The following DBF4B variants were observed in gnomAD, a reference collection of about 807,000 sequenced individuals.
DBF4B encodes protein DBF4 homolog B.
A neutral mutation model predicts 53.4 loss-of-function variants in DBF4B; 49 were observed. The ratio of observed to expected loss-of-function variants is 0.92; its 90% CI spans 0.73 to 1.16. The LOEUF is 1.16. Among genes scored for constraint, DBF4B ranks in the 50% most tolerant of loss-of-function variants. DBF4B has a pLI of 0.00. For synonymous variants in DBF4B, 257 were observed against 288.7 expected (o/e 0.89, Z 1.11); for missense variants, 692 against 775.0 (o/e 0.89, Z 1.27).
rs1421709660 is a variant in DBF4B, at chr17:44,750,883, C to T, written c.1478C>T (p.Pro493Leu). The change falls in exon 14 of 14, where the codon CCA becomes CTA. Residue 493 changes from proline (P) to leucine (L), a missense_variant. Physicochemically the swap from Pro to Leu is moderately conservative, Grantham distance 98 (BLOSUM62 -3). Transcript: ENST00000315005. ...FAPADIPVKGPLLFPEARPWL... is the reference protein window; with the variant it reads ...FAPADIPVKGLLLFPEARPWL... Reference sequence around the variant, plus strand: ...CCGGCGGACATTCCTGTTAAGGGCCCACTCCTCTTCCCTGAAGCCAGACCG... The same window carrying T: ...CCGGCGGACATTCCTGTTAAGGGCCTACTCCTCTTCCCTGAAGCCAGACCG... 6.2e-7 allele frequency: 1 copy of T among 1,614,206 alleles called. No homozygotes were observed. Among genetic ancestry groups the T allele is most frequent in the Non-Finnish European group, 8.5e-7 (1 of 1,180,032 alleles).
chr17:44,723,051 C>T (rs180805385), intron 3 of DBF4B, 29 bp downstream of exon 3: 6 of 1,612,150 alleles, frequency 3.7e-6, no homozygotes, highest in Non-Finnish European at 5.1e-6. Context: ...TCCTGCGATG[C>T]CATGTGCCTT....
In DBF4B at chr17:44,721,775, CA is replaced by C. The variant is rs374856392; in HGVS notation, c.83-1101del. Among the ~76,000 whole-genome samples the C allele has an allele frequency of 5.6e-3, 843 of 151,076 alleles. 8 individuals are homozygous for C. Among genetic ancestry groups the C allele is most frequent in the African/African-American group, 0.02 (814 of 41,150 alleles). Reference sequence around the variant, plus strand: ...GGTAACGTGCTGCTCGAAGGAAGATCAAAAGCTTATGCCCTATCTCGTGTGT... The same window carrying C: ...GGTAACGTGCTGCTCGAAGGAAGATCAAAGCTTATGCCCTATCTCGTGTGT... On this transcript the variant is annotated intron_variant, in intron 2 of 13. Coordinates refer to ENST00000315005, the MANE Select transcript of DBF4B (RefSeq NM_145663.3).
In DBF4B at chr17:44,709,246, G is replaced by T. The variant is rs1025313936; in HGVS notation, c.20-58G>T. 6 of 1,606,014 alleles carry T rather than the reference G, an allele frequency of 3.7e-6. No homozygotes were observed. In the East Asian group the frequency reaches 8.9e-5, roughly 24 times the overall value. On this transcript the variant is annotated intron_variant, in intron 1 of 13. Transcript: ENST00000315005. The stretch of plus-strand genomic sequence containing the variant: ...TTTGGGAGACAGTAGTGGGCGGGAG[G>T]CATGGAAGTTCCAAGGGTTGGTGAA...
At chr17:44,731,963 G>A in intron 5 of DBF4B, 1 of 556,798 alleles carries the variant, frequency 1.8e-6, no homozygotes, top group Non-Finnish European at 3.2e-6. Flanking sequence ...GCAGACCAGT[G>A]GTCCTTCCTC....
chr17:44,708,797 A>T lies in DBF4B; in HGVS notation c.-24A>T, dbSNP rs373708415. ...GGAGGCCTCTGAGGAAGGAGTACGGAGGCCGAGAAGGAGCCGGCATTTGAT... is the reference window on the plus strand; with the variant it reads ...GGAGGCCTCTGAGGAAGGAGTACGGTGGCCGAGAAGGAGCCGGCATTTGAT... On this transcript the variant is annotated 5_prime_UTR_variant, in exon 1 of 14. Coordinates refer to ENST00000315005, the MANE Select transcript of DBF4B (RefSeq NM_145663.3). 2 of 1,550,884 alleles carry T rather than the reference A, an allele frequency of 1.3e-6. No individual in the cohort carries two copies. Among genetic ancestry groups the T allele is most frequent in the African/African-American group, 1.4e-5 (1 of 72,980 alleles).
intron 2 of DBF4B, among the ~76,000 whole-genome samples, chr17:44,715,812 CTTTTTTTTTTTT>C (rs869200833): frequency 7.2e-5 from 4 of 55,508 alleles, no homozygotes; most frequent in Non-Finnish European, 1.3e-4. Context: ...TTCTTTCTTT[CTTTTTTTTTTTT>C]TTTTTTTTTT....
intron 2 of DBF4B, among the ~76,000 whole-genome samples, chr17:44,715,038 G>A (rs774505960): frequency 2.0e-5 from 3 of 152,050 alleles, no homozygotes; most frequent in Admixed American, 6.6e-5. Flanking sequence ...CATTTATGGA[G>A]CAGGTACCTT....
chr17:44,727,404 G>A (rs1974455581), intron 3 of DBF4B, among the ~76,000 whole-genome samples: 1 of 151,996 alleles, frequency 6.6e-6, no homozygotes, highest in African/African-American at 2.4e-5. Flanking sequence ...GGGCAACAGA[G>A]CAAGACTCTG....
chr17:44,726,292 T>TTTTATTTATTTATTTATTTA (rs377668647), intron 3 of DBF4B, among the ~76,000 whole-genome samples: 74 of 132,090 alleles, frequency 5.6e-4, no homozygotes, highest in Non-Finnish European at 7.7e-4. Flanking sequence ...CCCGGCCCTT[T>TTTTATTTATTTATTTATTTA]TTTATTTATT....
At chr17:44,718,117 A>G (rs1598769524) in intron 2 of DBF4B, among the ~76,000 whole-genome samples, 2 of 151,604 alleles carry the variant, frequency 1.3e-5, no homozygotes, top group Non-Finnish European at 2.9e-5. Context: ...TTATCCCCCA[A>G]TGTTCTTGTC....
At chr17:44,748,879 C>T (rs1304366523) in intron 13 of DBF4B, 1 of 1,290,572 alleles carries the variant, frequency 7.7e-7, no homozygotes, top group Non-Finnish European at 1.0e-6. Context: ...CTCCCTCCAG[C>T]CCTTGTGCCA....
In DBF4B at chr17:44,751,916, C is replaced by G; in HGVS notation, c.*663C>G. On this transcript the variant is annotated 3_prime_UTR_variant, in exon 14 of 14. Transcript: ENST00000315005. ...TCCCCCTGCCCTTCCTCACCATTGC[C>G]CATTCCCTCGTTCGTTCATTCAGCA... The G allele has an allele frequency of 6.5e-7, 1 of 1,536,250 alleles. No homozygotes were observed. Among genetic ancestry groups the G allele is most frequent in the Non-Finnish European group, 8.7e-7 (1 of 1,146,942 alleles).
intron 2 of DBF4B, among the ~76,000 whole-genome samples, chr17:44,712,586 G>A (rs1044432933): frequency 6.6e-6 from 1 of 151,912 alleles, no homozygotes; most frequent in African/African-American, 2.4e-5. Flanking sequence ...TTACAGGCAT[G>A]AGCCACCACG....
intron 9 of DBF4B, among the ~76,000 whole-genome samples, chr17:44,740,323 A>G (rs1477080099): frequency 2.6e-5 from 4 of 152,208 alleles, no homozygotes; most frequent in Non-Finnish European, 5.9e-5. Context: ...CCCCCAGAAC[A>G]TGGACCATTG....
chr17:44,733,161 T>C (rs1196340112), intron 6 of DBF4B, among the ~76,000 whole-genome samples: 9 of 140,314 alleles, frequency 6.4e-5, no homozygotes, highest in Admixed American at 6.3e-4. Flanking sequence ...CGAGACTCCG[T>C]CTCAAAAAAA....
intron 9 of DBF4B, among the ~76,000 whole-genome samples, chr17:44,739,887 C>T (rs1324924138): frequency 6.6e-6 from 1 of 152,132 alleles, no homozygotes; most frequent in Non-Finnish European, 1.5e-5. Flanking sequence ...TCTTCTGCCT[C>T]CCGAGTAGCT....
At chr17:44,745,382 G>C (rs1976495102) in intron 10 of DBF4B, among the ~76,000 whole-genome samples, 1 of 152,174 alleles carries the variant, frequency 6.6e-6, no homozygotes, top group Non-Finnish European at 1.5e-5. Context: ...ATACAGACCT[G>C]TCTGAGACTG....
intron 2 of DBF4B, among the ~76,000 whole-genome samples, chr17:44,721,151 C>G (rs1196341681): frequency 1.3e-5 from 2 of 151,908 alleles, no homozygotes; most frequent in African/African-American, 4.8e-5. Context: ...AGGTGTGAAA[C>G]ACAGCACCTG....
chr17:44,734,831 T>C (rs1011323548), intron 7 of DBF4B, among the ~76,000 whole-genome samples: 3 of 152,188 alleles, frequency 2.0e-5, no homozygotes, highest in African/African-American at 7.2e-5. Context: ...CAGCTGGGCA[T>C]GGTGGCTCAC....
Sources: allele counts gnomAD v4.1 joint callset (sites outside exome capture counted in the v4.1 genomes callset), GRCh38; gene constraint gnomAD v4.1.1; transcripts MANE v1.5; gene names NCBI Gene and HGNC (gene_info 2026-07-23, HGNC 2026-07-21).